UTRN: variants seen among roughly 807,000 people sequenced by gnomAD.
The protein encoded by UTRN is dystrophin-related protein 1.
UTRN carries 283 observed loss-of-function variants against 463.9 expected under a neutral mutation model. The ratio of observed to expected loss-of-function variants is 0.61; its 90% CI spans 0.55 to 0.67. UTRN has a LOEUF of 0.67. UTRN is among the 30% of genes least tolerant of loss of function. The pLI, the probability that UTRN is intolerant of heterozygous loss-of-function variation, is 0.00. For synonymous variants in UTRN, 1,442 were observed against 1,431.5 expected (o/e 1.01, Z -0.17); for missense variants, 3,922 against 4,084.3 (o/e 0.96, Z 1.08).
chr6:144,775,598 G>A, intron 60 of UTRN, among the ~76,000 whole-genome samples: 1 of 152,172 alleles, frequency 6.6e-6, no homozygotes, highest in East Asian at 1.9e-4. Context: ...AGGGATGTTT[G>A]GTCTGCGCAG....
At chr6:144,579,262 A>G (rs950207988) in intron 51 of UTRN, among the ~76,000 whole-genome samples, 11 of 152,218 alleles carry the variant, frequency 7.2e-5, no homozygotes, top group Admixed American at 3.9e-4. Flanking sequence ...TTTAGCCATC[A>G]TCTGTATTTT....
At chr6:144,799,192 A>T (rs778323130) in intron 64 of UTRN, among the ~76,000 whole-genome samples, 1 of 152,206 alleles carries the variant, frequency 6.6e-6, no homozygotes, top group African/African-American at 2.4e-5. Context: ...CATTTGACTG[A>T]CTTTATCAGC....
chr6:144,534,039 T>G (rs750679056), intron 43 of UTRN, among the ~76,000 whole-genome samples: 1 of 152,206 alleles, frequency 6.6e-6, no homozygotes, highest in Non-Finnish European at 1.5e-5. Context: ...GATGAAGTAT[T>G]ATTTTAGTGA....
chr6:144,351,954 C>CA (rs1293207487), intron 2 of UTRN, among the ~76,000 whole-genome samples: 2 of 152,204 alleles, frequency 1.3e-5, no homozygotes, highest in African/African-American at 4.8e-5. Context: ...TCTCCTGGCT[C>CA]AGCCAGTCTC....
At chr6:144,501,364 T>G (rs1794162614) in intron 34 of UTRN, among the ~76,000 whole-genome samples, 1 of 152,184 alleles carries the variant, frequency 6.6e-6, no homozygotes, top group African/African-American at 2.4e-5. Flanking sequence ...ACATAAGTAA[T>G]AGAAGCTATT....
At chr6:144,654,501 A>G (rs1329386240) in intron 51 of UTRN, among the ~76,000 whole-genome samples, 1 of 152,226 alleles carries the variant, frequency 6.6e-6, no homozygotes, top group African/African-American at 2.4e-5. Flanking sequence ...TTGTTTTGAC[A>G]TTTTAGTTGC....
chr6:144,828,984 A>C, intron 69 of UTRN, 129 bp downstream of exon 69: 1 of 974,656 alleles, frequency 1.0e-6, no homozygotes, highest in Non-Finnish European at 1.6e-6. Context: ...GGTTCCAAAA[A>C]TTTCTACGTA....
In UTRN at chr6:144,852,105, C is replaced by T. The variant is rs1417728650; in HGVS notation, c.*1108C>T. ...GTTGAAAGCAGACACACATTTAGTG[C>T]ACGGCTTATTTTACCTTTCGGGTGA... On this transcript the variant is annotated 3_prime_UTR_variant, in exon 75 of 75. Transcript: ENST00000367545. The T allele has an allele frequency of 6.6e-6, 1 of 152,146 alleles. No homozygotes were observed. Among genetic ancestry groups the T allele is most frequent in the Non-Finnish European group, 1.5e-5 (1 of 68,008 alleles). The allele number at this position is 152,146 out of a possible 1,614,324, so 9.4% of individuals were successfully genotyped here. A position where few individuals can be genotyped will look rare whatever the true frequency, so the allele number is the denominator to read the frequency against.
intron 45 of UTRN, among the ~76,000 whole-genome samples, chr6:144,541,122 A>T (rs1797944257): frequency 6.6e-6 from 1 of 152,340 alleles, no homozygotes; most frequent in African/African-American, 2.4e-5. Context: ...TGATTGGTTA[A>T]AACATAATTC....
At chr6:144,692,701 A>C (rs903431220) in intron 52 of UTRN, among the ~76,000 whole-genome samples, 1 of 152,026 alleles carries the variant, frequency 6.6e-6, no homozygotes, top group Non-Finnish European at 1.5e-5. Flanking sequence ...CTTCTTTTGA[A>C]AAGTGTCTGT....
At chr6:144,821,585 A>G (rs1779611450) in intron 66 of UTRN, among the ~76,000 whole-genome samples, 1 of 152,098 alleles carries the variant, frequency 6.6e-6, no homozygotes, top group South Asian at 2.1e-4. Context: ...AAATTTATTC[A>G]AAGTGTATAA....
chr6:144,377,451 G>A (rs1780564403), intron 2 of UTRN, among the ~76,000 whole-genome samples: 1 of 152,156 alleles, frequency 6.6e-6, no homozygotes, highest in Admixed American at 6.6e-5. Context: ...GTTAAAATCT[G>A]TGCCACTTAT....
At chr6:144,416,319 A>G (rs1454764795) in intron 3 of UTRN, among the ~76,000 whole-genome samples, 6 of 152,160 alleles carry the variant, frequency 3.9e-5, no homozygotes, top group Non-Finnish European at 7.3e-5. Context: ...TTTAAAAATG[A>G]GAAGTTCTGC....
intron 9 of UTRN, 85 bp from the exon 10 acceptor site, chr6:144,435,850 T>C: frequency 6.9e-7 from 1 of 1,457,076 alleles, no homozygotes; most frequent in Non-Finnish European, 9.3e-7. Context: ...TGGTGGGTAC[T>C]TTGGGTTCGC....
At chr6:144,841,730 C>G (rs981917186) in intron 73 of UTRN, among the ~76,000 whole-genome samples, 4 of 152,102 alleles carry the variant, frequency 2.6e-5, no homozygotes, top group Non-Finnish European at 4.4e-5. Context: ...TACTCTCAAA[C>G]TGATTTTAAA....
chr6:144,423,401 G>T, intron 4 of UTRN, 148 bp from the exon 5 acceptor site: 1 of 678,724 alleles, frequency 1.5e-6, no homozygotes, highest in Non-Finnish European at 2.5e-6. Context: ...CCAGCTTCCA[G>T]GGTGGTAACC....
chr6:144,581,525 G>A (rs1001716635), intron 51 of UTRN, among the ~76,000 whole-genome samples: 1 of 151,948 alleles, frequency 6.6e-6, no homozygotes, highest in African/African-American at 2.4e-5. Flanking sequence ...TCATCGTCTT[G>A]TTCCATAGAT....
chr6:144,842,717 T>G (rs1160160402), intron 73 of UTRN, among the ~76,000 whole-genome samples: 1 of 152,202 alleles, frequency 6.6e-6, no homozygotes, highest in Non-Finnish European at 1.5e-5. Flanking sequence ...GTTTTGCCAG[T>G]GTTTCCCAGG....
intron 2 of UTRN, among the ~76,000 whole-genome samples, chr6:144,388,481 ATTATTTATTTAT>A (rs57479570): frequency 5.6e-4 from 81 of 143,972 alleles, no homozygotes; most frequent in Middle Eastern, 3.5e-3. Context: ...CCTGGCTAAT[ATTATTTATTTAT>A]TTATTTATTT....
Sources: allele counts gnomAD v4.1 joint callset (sites outside exome capture counted in the v4.1 genomes callset), GRCh38; gene constraint gnomAD v4.1.1; transcripts MANE v1.5; gene names NCBI Gene and HGNC (gene_info 2026-07-23, HGNC 2026-07-21).